LHFPL3: variants seen among roughly 807,000 people sequenced by gnomAD.
LHFPL3 encodes the protein LHFPL tetraspan subfamily member 3, also known as LHFPL tetraspan subfamily member 3 protein.
LHFPL3 carries 5 observed loss-of-function variants against 19.3 expected under a neutral mutation model. The ratio of observed to expected loss-of-function variants is 0.26; its 90% CI spans 0.14 to 0.54. The LOEUF is 0.54. Ranked by LOEUF, LHFPL3 falls within the 20% of genes least tolerant of loss-of-function variation. The pLI is 0.94. For synonymous variants in LHFPL3, 133 were observed against 126.2 expected, an observed-to-expected ratio of 1.05 and a Z score of -0.36; for missense variants, 249 against 307.4, an observed-to-expected ratio of 0.81 and a Z score of 1.42.
At chr7:104,677,996 T>C (rs1187371297) in intron 1 of LHFPL3, among the ~76,000 whole-genome samples, 2 of 152,204 alleles carry the variant, frequency 1.3e-5, no homozygotes, top group African/African-American at 2.4e-5. Flanking sequence ...TCACCAGACC[T>C]TGTTTGATGC....
At chr7:104,465,421 C>G (rs534821699) in intron 1 of LHFPL3, among the ~76,000 whole-genome samples, 3 of 152,290 alleles carry the variant, frequency 2.0e-5, no homozygotes, top group African/African-American at 4.8e-5. Context: ...GCACCCCACT[C>G]TCTGCAGTAC....
At chr7:104,356,010 G>C (rs1790266414) in intron 1 of LHFPL3, among the ~76,000 whole-genome samples, 1 of 152,182 alleles carries the variant, frequency 6.6e-6, no homozygotes, top group South Asian at 2.1e-4. Context: ...AAGAGATAAT[G>C]ATATGTAATA....
At chr7:104,357,368 A>G (rs184884021) in intron 1 of LHFPL3, among the ~76,000 whole-genome samples, 52 of 152,292 alleles carry the variant, frequency 3.4e-4, no homozygotes, top group African/African-American at 1.2e-3. Flanking sequence ...ATACAGATAG[A>G]GTCAGGTCTT....
chr7:104,783,113 A>G (rs890764537), intron 2 of LHFPL3, among the ~76,000 whole-genome samples: 10 of 152,252 alleles, frequency 6.6e-5, no homozygotes, highest in Non-Finnish European at 1.3e-4. Flanking sequence ...CAGACTAGGG[A>G]ATCAGAAATG....
intron 2 of LHFPL3, among the ~76,000 whole-genome samples, chr7:104,798,691 G>C (rs1790182645): frequency 7.0e-6 from 1 of 143,824 alleles, no homozygotes; most frequent in Non-Finnish European, 1.6e-5. Flanking sequence ...GTGCTAGAAA[G>C]TCTCACGATT....
chr7:104,865,851 A>G (rs934543306), intron 2 of LHFPL3, among the ~76,000 whole-genome samples: 4 of 152,226 alleles, frequency 2.6e-5, no homozygotes, highest in Admixed American at 1.3e-4. Context: ...CACAAAGGGA[A>G]GCCCATCAGA....
At chr7:104,767,667 T>C (rs1271134375) in intron 2 of LHFPL3, among the ~76,000 whole-genome samples, 1 of 152,160 alleles carries the variant, frequency 6.6e-6, no homozygotes, top group Admixed American at 6.5e-5. Context: ...TGCAACTTCC[T>C]CAAGAGGTAG....
intron 1 of LHFPL3, among the ~76,000 whole-genome samples, chr7:104,451,621 CTTT>C (rs869238035): frequency 6.9e-6 from 1 of 144,114 alleles, no homozygotes; most frequent in Non-Finnish European, 1.5e-5. Flanking sequence ...CTTTTTTCTT[CTTT>C]TTCTATGCCT....
At chr7:104,430,486 T>TTTTTTTTGG in intron 1 of LHFPL3, among the ~76,000 whole-genome samples, 2 of 78,792 alleles carry the variant, frequency 2.5e-5, no homozygotes, top group African/African-American at 5.1e-5. Context: ...TTTTTTTTTT[T>TTTTTTTTGG]GAGGCGGAGT....
At chr7:104,743,360 A>G (rs892482981) in intron 2 of LHFPL3, among the ~76,000 whole-genome samples, 1 of 152,168 alleles carries the variant, frequency 6.6e-6, no homozygotes, top group Non-Finnish European at 1.5e-5. Context: ...TAGTGGACAG[A>G]GCCCCAGATC....
intron 1 of LHFPL3, among the ~76,000 whole-genome samples, chr7:104,397,218 C>A (rs1370631338): frequency 6.6e-6 from 1 of 151,910 alleles, no homozygotes; most frequent in Non-Finnish European, 1.5e-5. Context: ...TATATGAATG[C>A]CATTAAAGTA....
chr7:104,704,332 A>G (rs1012823351), intron 1 of LHFPL3, among the ~76,000 whole-genome samples: 2 of 152,108 alleles, frequency 1.3e-5, no homozygotes. Flanking sequence ...TAGTTCCGGG[A>G]TATTATTTTC....
intron 2 of LHFPL3, among the ~76,000 whole-genome samples, chr7:104,810,696 A>G (rs555159586): frequency 6.6e-6 from 1 of 152,324 alleles, no homozygotes; most frequent in East Asian, 1.9e-4. Context: ...TGCTATTGGG[A>G]CAACATAGCT....
At chr7:104,642,007 T>A (rs1791845024) in intron 1 of LHFPL3, among the ~76,000 whole-genome samples, 1 of 149,122 alleles carries the variant, frequency 6.7e-6, no homozygotes, top group Non-Finnish European at 1.5e-5. Flanking sequence ...AAATGGACAA[T>A]AAAAATAACA....
At chr7:104,588,821 G>A (rs939943236) in intron 1 of LHFPL3, among the ~76,000 whole-genome samples, 1 of 152,162 alleles carries the variant, frequency 6.6e-6, no homozygotes, top group East Asian at 1.9e-4. Context: ...TCTCCTTGAA[G>A]AGGTCCTTCA....
At chr7:104,545,834 AT>A (rs1214901894) in intron 1 of LHFPL3, among the ~76,000 whole-genome samples, 2 of 152,216 alleles carry the variant, frequency 1.3e-5, no homozygotes, top group African/African-American at 4.8e-5. Flanking sequence ...ATCAGTCTTC[AT>A]GGGTCAGCAT....
intron 2 of LHFPL3, among the ~76,000 whole-genome samples, chr7:104,763,357 A>G (rs1054026667): frequency 1.3e-5 from 2 of 152,224 alleles, no homozygotes; most frequent in African/African-American, 2.4e-5. Context: ...TGTCATTCAC[A>G]TTAATGTGTT....
At chr7:104,845,620 C>A in intron 2 of LHFPL3, 1 of 267,398 alleles carries the variant, frequency 3.7e-6, no homozygotes, top group Non-Finnish European at 5.8e-6. Flanking sequence ...TTCTCTCTCC[C>A]ACAATCCCTG....
chr7:104,795,641 T>G (rs1790108912), intron 2 of LHFPL3, among the ~76,000 whole-genome samples: 1 of 152,216 alleles, frequency 6.6e-6, no homozygotes, highest in South Asian at 2.1e-4. Context: ...TCATCCCTGT[T>G]GGATACAAGG....
Sources: gnomAD v4.1 joint callset for allele counts (sites outside exome capture counted in the v4.1 genomes callset) on GRCh38, gnomAD v4.1.1 for gene constraint, MANE v1.5 for transcripts, NCBI Gene and HGNC (gene_info 2026-07-23, HGNC 2026-07-21) for gene names.